The following NOX5 variants were observed in gnomAD, a reference collection of about 807,000 sequenced individuals.
NOX5 encodes the protein NADPH oxidase, EF-hand calcium binding domain 5.
A neutral mutation model predicts 85.7 loss-of-function variants in NOX5; 76 were observed. That is an observed-to-expected ratio of 0.89 (90% CI 0.74 to 1.07). NOX5 has a LOEUF of 1.07. Among genes scored for constraint, NOX5 ranks in the 50% least tolerant of loss-of-function variants. NOX5 has a pLI of 0.00. For synonymous variants in NOX5, 405 were observed against 401.4 expected, an observed-to-expected ratio of 1.01 and a Z score of -0.11; for missense variants, 973 against 999.5, an observed-to-expected ratio of 0.97 and a Z score of 0.36.
intron 9 of NOX5, among the ~76,000 whole-genome samples, chr15:69,040,270 T>C (rs1289904717): frequency 6.6e-6 from 1 of 152,280 alleles, no homozygotes; most frequent in African/African-American, 2.4e-5. Context: ...TTTTCTTTTC[T>C]ACTTTGTAAA....
intron 1 of NOX5, among the ~76,000 whole-genome samples, chr15:69,024,579 C>T (rs1332017887): frequency 2.0e-5 from 3 of 152,090 alleles, no homozygotes; most frequent in Non-Finnish European, 4.4e-5. Flanking sequence ...TTCAGAGAGA[C>T]CACATTTACT....
chr15:69,035,481 A>G lies in NOX5; in HGVS notation c.983A>G (p.His328Arg). 3.1e-6 allele frequency: 5 copies of G among 1,614,122 alleles called. No individual in the cohort carries two copies. ...GYVVVGLSLV[H>R]TVAHTVNFVL... is the part of the protein sequence containing the mutation. The stretch of plus-strand genomic sequence containing the variant: ...GTGGTAGTGGGGCTGTCCCTCGTGC[A>G]CACCGTGGCTCACACTGTGAACTTT... The change falls in exon 6 of 16, where the codon CAC (histidine) becomes CGC (arginine). Residue 328 changes from histidine (H) to arginine (R), a missense_variant. Coordinates refer to ENST00000388866, the MANE Select transcript of NOX5 (RefSeq NM_024505.4).
At chr15:69,038,044 T>C (rs1183059258) in intron 8 of NOX5, 3 of 152,366 alleles carry the variant, frequency 2.0e-5, no homozygotes, top group Non-Finnish European at 2.9e-5. Context: ...TGAGAGTTCA[T>C]GAGGGCCTTG....
At chr15:69,045,581 C>CTTTCT (rs2050660030) in intron 10 of NOX5, among the ~76,000 whole-genome samples, 1 of 23,442 alleles carries the variant, frequency 4.3e-5, no homozygotes, top group African/African-American at 2.3e-4. Flanking sequence ...CCCTTTCTTT[C>CTTTCT]TTTTCTTTCT....
chr15:69,032,631 G>A (rs2050452429), intron 4 of NOX5, among the ~76,000 whole-genome samples: 1 of 152,020 alleles, frequency 6.6e-6, no homozygotes. Flanking sequence ...GGCTGGTCTC[G>A]AACTCCTGAC....
chr15:69,045,744 G>A (rs1054573179), intron 10 of NOX5, among the ~76,000 whole-genome samples: 1 of 151,234 alleles, frequency 6.6e-6, no homozygotes, highest in Non-Finnish European at 1.5e-5. Context: ...GAAGAGATTA[G>A]TAAGTGTTAG....
intron 14 of NOX5, among the ~76,000 whole-genome samples, chr15:69,051,859 A>G (rs1847494539): frequency 6.6e-6 from 1 of 152,106 alleles, no homozygotes; most frequent in Admixed American, 6.5e-5. Flanking sequence ...TTTTAAAAAA[A>G]GATTAAATAC....
chr15:69,039,016 T>C, intron 9 of NOX5, 27 bp downstream of exon 9: 1 of 1,613,088 alleles, frequency 6.2e-7, no homozygotes, highest in South Asian at 1.1e-5. Flanking sequence ...CCAGTCACTC[T>C]GCACATATTC....
Position 69,042,749 on chromosome 15 carries a change from G to C in NOX5, c.1591G>C (p.Gly531Arg), listed in dbSNP as rs945176894. The C allele has an allele frequency of 1.9e-6, 3 of 1,614,180 alleles. No individual in the cohort carries two copies. The highest frequency in any genetic ancestry group is 2.5e-6 in the Non-Finnish European group (3 of 1,180,038). ...SFKASDPLGR[G>R]SKRLSRSVTM... is the part of the protein sequence containing the mutation. ...CAAGGCATCAGACCCACTGGGCCGTGGTTCTAAGAGGCTGTCGAGGAGTGT... is the reference window on the plus strand; with the variant it reads ...CAAGGCATCAGACCCACTGGGCCGTCGTTCTAAGAGGCTGTCGAGGAGTGT... Residue 531 changes from glycine to arginine, a missense_variant, in exon 10 of 16, where the codon GGT (glycine) becomes CGT (arginine). By Grantham distance (125) the Gly-to-Arg change is moderately radical. Transcript: ENST00000388866.
chr15:69,045,263 C>T (rs1373978883), intron 10 of NOX5, among the ~76,000 whole-genome samples: 3 of 152,230 alleles, frequency 2.0e-5, no homozygotes, highest in Non-Finnish European at 4.4e-5. Context: ...CTTAGTATTT[C>T]TCTTACATCC....
intron 3 of NOX5, chr15:69,030,155 T>A (rs2140255741): frequency 6.6e-6 from 1 of 152,352 alleles, no homozygotes; most frequent in African/African-American, 2.4e-5. Flanking sequence ...TTCCATCACT[T>A]ATTATATGAT....
In NOX5 at chr15:69,049,002, G is replaced by T. The variant is rs1236176300; in HGVS notation, c.1943G>T (p.Trp648Leu). 1.2e-6 allele frequency: 2 copies of T among 1,613,050 alleles called. No individual in the cohort carries two copies. Among genetic ancestry groups the T allele is most frequent in the African/African-American group, 2.7e-5 (2 of 75,002 alleles). Reference sequence around the variant, plus strand: ...AACAGAGACCAGCGGTCTTTCGAGTGGTTTGTGAGCCTGCTGACTAAACTG... The same window carrying T: ...AACAGAGACCAGCGGTCTTTCGAGTTGTTTGTGAGCCTGCTGACTAAACTG... The part of the protein sequence containing the change: ...WINRDQRSFE[W>L]FVSLLTKLEM... Residue 648 changes from tryptophan to leucine, a missense_variant, in exon 14 of 16, where the codon TGG becomes TTG. Physicochemically the swap from Trp to Leu is moderately conservative, Grantham distance 61 (BLOSUM62 -2). Coordinates refer to ENST00000388866, the MANE Select transcript of NOX5 (RefSeq NM_024505.4).
chr15:69,026,697 G>T, intron 2 of NOX5, 46 bp downstream of exon 2: 1 of 1,612,096 alleles, frequency 6.2e-7, no homozygotes, highest in Non-Finnish European at 8.5e-7. Flanking sequence ...TCGTTATGTG[G>T]CCTGGTTCTC....
intron 14 of NOX5, among the ~76,000 whole-genome samples, chr15:69,055,052 C>A (rs942997114): frequency 3.3e-5 from 5 of 152,116 alleles, no homozygotes; most frequent in African/African-American, 9.7e-5. Flanking sequence ...CCTATCTCCA[C>A]AAAAATACTA....
At chr15:69,045,553 T>TTTCTTTCTTTCTTTCTTTCTTTCTTTCC (rs1379171526) in intron 10 of NOX5, among the ~76,000 whole-genome samples, 1 of 131,102 alleles carries the variant, frequency 7.6e-6, no homozygotes, top group African/African-American at 3.0e-5. Flanking sequence ...TCTTTCTTTC[T>TTTCTTTCTTTCTTTCTTTCTTTCTTTCC]TTCTTTCTTT....
rs557238460 is a variant in NOX5 at position 69,031,820 on chromosome 15, C to G, written c.620+8C>G. ...GGAGAACCTGACCATCAGGTACGGC[C>G]GGGTCTCGGGCATTGGCACTGTCCA... On this transcript the variant is annotated splice_region_variant and intron_variant, in intron 4 of 15. Transcript: ENST00000388866. The G allele has an allele frequency of 8.1e-5, 128 of 1,589,610 alleles. 1 individual carries two copies. The South Asian group carries it at 1.4e-3, about 17-fold the overall frequency.
rs1478205140 is a variant in NOX5, at chr15:69,045,589, T to C, written c.1648-1233T>C. Among the ~76,000 whole-genome samples, 8 of 139,092 alleles carry C rather than the reference T, an allele frequency of 5.8e-5. No homozygotes were observed. In the Admixed American group the frequency reaches 5.8e-4, roughly 10 times the overall value. 91.2% of individuals were successfully genotyped at this position (139,092 alleles called of 152,430 possible). A position where few individuals can be genotyped will look rare whatever the true frequency, so the allele number is the denominator to read the frequency against. ...CTTTCTTCCCTTTCTTTCTTTTCTT[T>C]CTTTCTTTCTTTTTTTTTTCTCTCT... On this transcript the variant is annotated intron_variant, in intron 10 of 15. Coordinates refer to ENST00000388866, the MANE Select transcript of NOX5 (RefSeq NM_024505.4).
Position 69,037,061 on chromosome 15 carries a change from G to T in NOX5, c.1222G>T (p.Val408Leu). The change falls in exon 8 of 16, where the codon GTG becomes TTG. Residue 408 changes from valine (V) to leucine (L), a missense_variant. Transcript: ENST00000388866. ...FYWTHLSYLL[V>L]WLLLIFHGPN... ...TTGGACTCACCTGTCCTACCTCCTC[G>T]TGTGGCTTCTGCTCATCTTTCATGG... 11 of 1,613,694 alleles carry T rather than the reference G, an allele frequency of 6.8e-6. No homozygotes were observed. Among genetic ancestry groups the T allele is most frequent in the Non-Finnish European group, 9.3e-6 (11 of 1,179,962 alleles).
At chr15:69,015,992 G>A (rs887463386) in intron 1 of NOX5, among the ~76,000 whole-genome samples, 6 of 152,302 alleles carry the variant, frequency 3.9e-5, no homozygotes, top group South Asian at 2.1e-4. Flanking sequence ...AAAAACCTAG[G>A]AAGCTCTTAA....
Sources: allele counts gnomAD v4.1 joint callset (sites outside exome capture counted in the v4.1 genomes callset), GRCh38; gene constraint gnomAD v4.1.1; transcripts MANE v1.5; gene names NCBI Gene and HGNC (gene_info 2026-07-23, HGNC 2026-07-21).